UBE2E2: variants seen among roughly 807,000 people sequenced by gnomAD.
UBE2E2 encodes the protein ubiquitin-conjugating enzyme E2 E2.
In UBE2E2, 6 loss-of-function variants were observed where a neutral mutation model predicts 24.7. The ratio of observed to expected loss-of-function variants is 0.24; its 90% CI spans 0.13 to 0.48. UBE2E2 has a LOEUF of 0.48. Ranked by LOEUF, UBE2E2 falls within the 20% of genes least tolerant of loss-of-function variation. UBE2E2 has a pLI of 0.99. For missense variants in UBE2E2, 169 were observed against 245.0 expected (o/e 0.69, Z 2.07); for synonymous variants, 104 against 83.6 (o/e 1.24, Z -1.33).
At chr3:23,412,200 C>A (rs1319235927) in intron 3 of UBE2E2, among the ~76,000 whole-genome samples, 1 of 151,916 alleles carries the variant, frequency 6.6e-6, no homozygotes, top group Non-Finnish European at 1.5e-5. Flanking sequence ...TAAATGTAGA[C>A]CATAGTCGAT....
At chr3:23,573,865 A>G (rs1371145994) in intron 5 of UBE2E2, among the ~76,000 whole-genome samples, 8 of 152,162 alleles carry the variant, frequency 5.3e-5, no homozygotes, top group African/African-American at 9.7e-5. Flanking sequence ...TTTTTCTTGA[A>G]TAGTAACAAA....
intron 4 of UBE2E2, among the ~76,000 whole-genome samples, chr3:23,500,379 C>T (rs1322915920): frequency 6.6e-6 from 1 of 152,152 alleles, no homozygotes; most frequent in Non-Finnish European, 1.5e-5. Flanking sequence ...GAAATCAGAA[C>T]ATGAAAGAAT....
At chr3:23,249,731 C>T (rs1697520716) in intron 3 of UBE2E2, among the ~76,000 whole-genome samples, 1 of 151,996 alleles carries the variant, frequency 6.6e-6, no homozygotes, top group Non-Finnish European at 1.5e-5. Flanking sequence ...TCTCGGCTCA[C>T]TGCAAGCTCT....
chr3:23,511,275 G>C (rs756718327), intron 4 of UBE2E2, among the ~76,000 whole-genome samples: 6 of 152,190 alleles, frequency 3.9e-5, no homozygotes, highest in Non-Finnish European at 7.3e-5. Context: ...AATTTCTCCA[G>C]ATGTTGCCAA....
At chr3:23,415,339 A>G (rs1208191092) in intron 3 of UBE2E2, among the ~76,000 whole-genome samples, 1 of 152,160 alleles carries the variant, frequency 6.6e-6, no homozygotes, top group Non-Finnish European at 1.5e-5. Flanking sequence ...GCACACAGAG[A>G]TACATCCTAT....
chr3:23,244,747 A>G (rs938268732), intron 3 of UBE2E2, among the ~76,000 whole-genome samples: 5 of 152,162 alleles, frequency 3.3e-5, no homozygotes, highest in African/African-American at 1.2e-4. Flanking sequence ...TAAGAAAATA[A>G]TGGAAACTTT....
chr3:23,532,848 C>G, intron 5 of UBE2E2, 147 bp downstream of exon 5: 1 of 797,386 alleles, frequency 1.3e-6, no homozygotes, highest in Non-Finnish European at 1.7e-6. Context: ...TAACTATTTT[C>G]TTTTTAAATT....
At chr3:23,437,406 T>C (rs528819859) in intron 3 of UBE2E2, among the ~76,000 whole-genome samples, 1 of 152,358 alleles carries the variant, frequency 6.6e-6, no homozygotes, top group South Asian at 2.1e-4. Context: ...TGCCACAGTT[T>C]GCTAATCTGT....
At chr3:23,539,853 A>G (rs1474480046) in intron 5 of UBE2E2, among the ~76,000 whole-genome samples, 1 of 152,144 alleles carries the variant, frequency 6.6e-6, no homozygotes, top group Non-Finnish European at 1.5e-5. Context: ...AGACGTAATA[A>G]TTTTAAGTAC....
intron 3 of UBE2E2, among the ~76,000 whole-genome samples, chr3:23,397,565 T>G (rs1166178365): frequency 1.3e-5 from 2 of 152,222 alleles, no homozygotes; most frequent in African/African-American, 4.8e-5. Context: ...AGGTAACCAC[T>G]GTTTGTTATA....
chr3:23,285,872 T>G lies in UBE2E2; in HGVS notation c.227+68560T>G, dbSNP rs548373044. Among the ~76,000 whole-genome samples, 41 of 152,254 alleles carry G rather than the reference T, an allele frequency of 2.7e-4. 1 individual carries two copies. Among genetic ancestry groups the G allele is most frequent in the Middle Eastern group, 6.8e-3 (2 of 292 alleles). Reference sequence around the variant, plus strand: ...CACCACATCTAGCTAATTTATGTTATTTTTTAGTCAAGAGGGGTTTCACCA... The same window carrying G: ...CACCACATCTAGCTAATTTATGTTAGTTTTTAGTCAAGAGGGGTTTCACCA... On this transcript the variant is annotated intron_variant, in intron 3 of 5. Transcript: ENST00000396703.
chr3:23,377,168 C>T (rs1372787269), intron 3 of UBE2E2, among the ~76,000 whole-genome samples: 1 of 152,172 alleles, frequency 6.6e-6, no homozygotes, highest in Non-Finnish European at 1.5e-5. Context: ...AGCTTACCAA[C>T]CTACAAGGAA....
chr3:23,340,837 A>G (rs185430768), intron 3 of UBE2E2, among the ~76,000 whole-genome samples: 2 of 152,142 alleles, frequency 1.3e-5, no homozygotes, highest in Non-Finnish European at 1.5e-5. Context: ...TAAAGTCGGT[A>G]TATAAACCAT....
At chr3:23,356,897 AT>A (rs1695970297) in intron 3 of UBE2E2, among the ~76,000 whole-genome samples, 1 of 152,198 alleles carries the variant, frequency 6.6e-6, no homozygotes, top group African/African-American at 2.4e-5. Flanking sequence ...AGGACCGCTG[AT>A]TTAACCCATC....
chr3:23,292,783 A>G (rs1206727154), intron 3 of UBE2E2, among the ~76,000 whole-genome samples: 1 of 152,196 alleles, frequency 6.6e-6, no homozygotes, highest in Admixed American at 6.5e-5. Context: ...AGTTAAAATC[A>G]GGATAATTGG....
In UBE2E2 at chr3:23,591,497, A is replaced by G. The variant is rs2094828099; in HGVS notation, c.*1666A>G. 6.6e-6 allele frequency: 1 copy of G among 152,226 alleles called. No individual in the cohort carries two copies. Among genetic ancestry groups the G allele is most frequent in the African/African-American group, 2.4e-5 (1 of 41,462 alleles). 9.4% of individuals were successfully genotyped at this position (152,226 alleles called of 1,614,324 possible). A position where few individuals can be genotyped will look rare whatever the true frequency, so the allele number is the denominator to read the frequency against. ...TTTTTGTCTTTTTAATAACGATTTT[A>G]CCATTCATTTTATTTAAAAACATTT... On this transcript the variant is annotated 3_prime_UTR_variant, in exon 6 of 6. Transcript: ENST00000396703.
intron 5 of UBE2E2, among the ~76,000 whole-genome samples, chr3:23,549,296 C>G (rs1178574188): frequency 6.6e-6 from 1 of 152,212 alleles, no homozygotes; most frequent in Non-Finnish European, 1.5e-5. Context: ...TTGCCCTGAT[C>G]TCTACTACAT....
intron 3 of UBE2E2, among the ~76,000 whole-genome samples, chr3:23,402,701 A>T (rs1317769327): frequency 6.6e-6 from 1 of 152,160 alleles, no homozygotes; most frequent in Non-Finnish European, 1.5e-5. Flanking sequence ...TACAATAAAT[A>T]CTCTAGTTAT....
At chr3:23,328,659 TCTC>T (rs920059501) in intron 3 of UBE2E2, among the ~76,000 whole-genome samples, 3 of 69,370 alleles carry the variant, frequency 4.3e-5, no homozygotes, top group Admixed American at 3.1e-4. Context: ...AATCTCTCTC[TCTC>T]TTTTTTTTTT....
Sources: gnomAD v4.1 joint callset for allele counts (sites outside exome capture counted in the v4.1 genomes callset) on GRCh38, gnomAD v4.1.1 for gene constraint, MANE v1.5 for transcripts, NCBI Gene and HGNC (gene_info 2026-07-23, HGNC 2026-07-21) for gene names.